FGF12: variants seen among roughly 807,000 people sequenced by gnomAD.
FGF12 encodes the protein fibroblast growth factor 12.
FGF12 carries 14 observed loss-of-function variants against 23.6 expected under a neutral mutation model. The observed-to-expected ratio is 0.59, with a 90% CI of 0.39 to 0.93. FGF12 has a LOEUF of 0.93. Ranked by LOEUF, FGF12 falls within the 40% of genes least tolerant of loss-of-function variation. FGF12 has a pLI of 0.00. For missense variants in FGF12, 175 were observed against 217.8 expected, an observed-to-expected ratio of 0.80 and a Z score of 1.24; for synonymous variants, 62 against 77.3, an observed-to-expected ratio of 0.80 and a Z score of 1.04.
At chr3:192,577,668 G>T (rs1216843878) in intron 2 of FGF12, among the ~76,000 whole-genome samples, 1 of 152,096 alleles carries the variant, frequency 6.6e-6, no homozygotes, top group Non-Finnish European at 1.5e-5. Flanking sequence ...ATATGATTGA[G>T]GTTCATAAAA....
intron 2 of FGF12, among the ~76,000 whole-genome samples, chr3:192,661,421 G>A (rs1259193242): frequency 6.6e-6 from 1 of 152,162 alleles, no homozygotes; most frequent in Non-Finnish European, 1.5e-5. Context: ...AGCTACTTGG[G>A]AGACTGAGGC....
intron 2 of FGF12, among the ~76,000 whole-genome samples, chr3:192,550,523 C>A (rs536492671): frequency 6.6e-5 from 10 of 151,488 alleles, no homozygotes; most frequent in African/African-American, 2.4e-4. Context: ...CTCTGAAGAA[C>A]CATGAGTAAT....
At chr3:192,398,197 G>T (rs1353863185) in intron 2 of FGF12, among the ~76,000 whole-genome samples, 1 of 152,174 alleles carries the variant, frequency 6.6e-6, no homozygotes, top group Non-Finnish European at 1.5e-5. Context: ...TGCCTTGCAA[G>T]TAATTAAACC....
At chr3:192,272,942 A>G (rs892673832) in intron 4 of FGF12, among the ~76,000 whole-genome samples, 1 of 152,154 alleles carries the variant, frequency 6.6e-6, no homozygotes, top group Admixed American at 6.5e-5. Flanking sequence ...CTCAACCTCC[A>G]TCTCTTTTTC....
At chr3:192,521,726 T>TCA (rs1417529880) in intron 2 of FGF12, among the ~76,000 whole-genome samples, 2 of 152,146 alleles carry the variant, frequency 1.3e-5, no homozygotes, top group African/African-American at 2.4e-5. Context: ...CCCAAAGCAG[T>TCA]CACAGCTTCC....
chr3:192,703,878 A>AT (rs1718382348), intron 2 of FGF12, among the ~76,000 whole-genome samples: 1 of 152,108 alleles, frequency 6.6e-6, no homozygotes, highest in South Asian at 2.1e-4. Flanking sequence ...ATTTTTAAAA[A>AT]TTTTTTTGTA....
At chr3:192,428,355 G>A (rs1203808577) in intron 2 of FGF12, among the ~76,000 whole-genome samples, 3 of 152,272 alleles carry the variant, frequency 2.0e-5, no homozygotes, top group South Asian at 2.1e-4. Context: ...AGGGAAGGGG[G>A]AAACAGTTCA....
chr3:192,324,343 G>A (rs1716704472), intron 4 of FGF12, among the ~76,000 whole-genome samples: 1 of 152,094 alleles, frequency 6.6e-6, no homozygotes, highest in East Asian at 1.9e-4. Context: ...ACTAAAACTA[G>A]CAGTGAGATT....
intron 4 of FGF12, among the ~76,000 whole-genome samples, chr3:192,202,975 A>AACCATATCAC (rs1717448552): frequency 1.3e-5 from 2 of 152,218 alleles, no homozygotes; most frequent in Admixed American, 6.5e-5. Context: ...CAGCCTGCTA[A>AACCATATCAC]ACAGTGCTTG....
intron 2 of FGF12, among the ~76,000 whole-genome samples, chr3:192,670,914 T>C (rs1251370413): frequency 6.6e-6 from 1 of 152,154 alleles, no homozygotes; most frequent in Non-Finnish European, 1.5e-5. Context: ...CCAGGTACAG[T>C]GAAGATAGAT....
chr3:192,372,069 A>C lies in FGF12; in HGVS notation c.14-11531T>G, dbSNP rs146498728. 1.3e-3 allele frequency among the ~76,000 whole-genome samples: 200 copies of C among 152,316 alleles called. 1 individual carries two copies. The highest frequency in any genetic ancestry group is 4.1e-3 in the African/African-American group (169 of 41,574). On this transcript the variant is annotated intron_variant, in intron 2 of 5. Transcript: ENST00000445105. ...GCTGTAGACACTTCTATGCACACAGAAAGTGTTCTGTAATAAAAGCATCCT... is the reference window on the plus strand; with the variant it reads ...GCTGTAGACACTTCTATGCACACAGCAAGTGTTCTGTAATAAAAGCATCCT...
intron 2 of FGF12, among the ~76,000 whole-genome samples, chr3:192,522,927 C>T (rs1724858217): frequency 6.6e-6 from 1 of 152,188 alleles, no homozygotes; most frequent in Non-Finnish European, 1.5e-5. Flanking sequence ...AAATTGGCAT[C>T]AGTTGTCGTC....
In FGF12 at chr3:192,683,757, G is replaced by C. The variant is rs535261623; in HGVS notation, c.13+43424C>G. 3.9e-5 allele frequency among the ~76,000 whole-genome samples: 6 copies of C among 152,052 alleles called. No homozygotes were observed. In the East Asian group the frequency reaches 1.2e-3, roughly 29 times the overall value. ...ATCACTCTCAAGCAATTCAAATGTT[G>C]GTCATCCAGAAAATTCATTTCTTTC... On this transcript the variant is annotated intron_variant, in intron 2 of 5. Coordinates refer to ENST00000445105, the MANE Select transcript of FGF12 (RefSeq NM_004113.6).
chr3:192,290,162 G>A (rs979782379), intron 4 of FGF12, among the ~76,000 whole-genome samples: 38 of 152,170 alleles, frequency 2.5e-4, no homozygotes, highest in African/African-American at 8.9e-4. Flanking sequence ...AATATATTGT[G>A]TAATGCAAAA....
At chr3:192,601,553 T>G (rs986254439) in intron 2 of FGF12, among the ~76,000 whole-genome samples, 1 of 151,988 alleles carries the variant, frequency 6.6e-6, no homozygotes, top group African/African-American at 2.4e-5. Context: ...CCCACAGATA[T>G]GTACAATTAT....
intron 4 of FGF12, among the ~76,000 whole-genome samples, chr3:192,193,377 T>A (rs2108650947): frequency 6.6e-6 from 1 of 152,296 alleles, no homozygotes; most frequent in South Asian, 2.1e-4. Context: ...TGTCTTGGAC[T>A]CCAACACTGG....
chr3:192,702,874 T>C (rs1177700608), intron 2 of FGF12, among the ~76,000 whole-genome samples: 2 of 152,188 alleles, frequency 1.3e-5, no homozygotes, highest in African/African-American at 4.8e-5. Context: ...AAAGAGTTGA[T>C]TACATATAAC....
intron 2 of FGF12, among the ~76,000 whole-genome samples, chr3:192,482,997 A>G (rs1723522078): frequency 6.6e-6 from 1 of 152,158 alleles, no homozygotes; most frequent in African/African-American, 2.4e-5. Flanking sequence ...AATAGAATTT[A>G]TAGTCTTCTA....
intron 4 of FGF12, among the ~76,000 whole-genome samples, chr3:192,194,733 G>A (rs77515114): frequency 2.5e-3 from 385 of 152,124 alleles, no homozygotes; most frequent in African/African-American, 8.9e-3. Flanking sequence ...GAAACATTGT[G>A]GAGTCTATTC....
Sources: allele counts gnomAD v4.1 joint callset (sites outside exome capture counted in the v4.1 genomes callset), GRCh38; gene constraint gnomAD v4.1.1; transcripts MANE v1.5; gene names NCBI Gene and HGNC (gene_info 2026-07-23, HGNC 2026-07-21).